The following PIK3AP1 variants were observed in gnomAD, a reference collection of about 807,000 sequenced individuals.
PIK3AP1 encodes phosphoinositide-3-kinase adaptor protein 1.
In PIK3AP1, 21 loss-of-function variants were observed where a neutral mutation model predicts 88.1. That is an observed-to-expected ratio of 0.24 (90% CI 0.17 to 0.34). The LOEUF is 0.34. PIK3AP1 is among the 10% of genes least tolerant of loss of function. The pLI, the probability that PIK3AP1 is intolerant of heterozygous loss-of-function variation, is 1.00. For synonymous variants in PIK3AP1, 398 were observed against 400.0 expected (o/e 1.00, Z 0.06); for missense variants, 828 against 1,035.7 (o/e 0.80, Z 2.75).
chr10:96,682,013 TAG>T (rs55857679), intron 2 of PIK3AP1, among the ~76,000 whole-genome samples: 5,662 of 108,334 alleles, frequency 0.052, 129 homozygotes, highest in South Asian at 0.12. Context: ...TATATATATA[TAG>T]AGAGAGAGAG....
chr10:96,645,477 G>A lies in PIK3AP1; in HGVS notation c.1371C>T (p.Asp457=). 3.7e-6 allele frequency: 6 copies of A among 1,613,370 alleles called. No homozygotes were observed. Among genetic ancestry groups the A allele is most frequent in the Non-Finnish European group, 5.1e-6 (6 of 1,179,760 alleles). ...MAAFVPAATE[D]LYVEMLQAST... ...GAACTGGGTTGTGCTACTTACAGAGGTCTTCAGTGGCAGCTGGGACAAAGG... is the reference window on the plus strand; with the variant it reads ...GAACTGGGTTGTGCTACTTACAGAGATCTTCAGTGGCAGCTGGGACAAAGG... The change falls in exon 8 of 17, where the codon GAC becomes GAT. Residue 457 remains aspartate (D), a synonymous_variant. Coordinates refer to ENST00000339364, the MANE Select transcript of PIK3AP1 (RefSeq NM_152309.3).
At chr10:96,697,876 T>C (rs891077418) in intron 2 of PIK3AP1, among the ~76,000 whole-genome samples, 1 of 152,238 alleles carries the variant, frequency 6.6e-6, no homozygotes, top group Non-Finnish European at 1.5e-5. Context: ...AAAAAAGTAA[T>C]GCATATACCA....
At chr10:96,629,463 G>C (rs925047829) in intron 8 of PIK3AP1, among the ~76,000 whole-genome samples, 1 of 151,920 alleles carries the variant, frequency 6.6e-6, no homozygotes, top group African/African-American at 2.4e-5. Context: ...ACATATTCTT[G>C]AAGATTCTGA....
chr10:96,684,086 T>C (rs919086412), intron 2 of PIK3AP1, among the ~76,000 whole-genome samples: 3 of 152,186 alleles, frequency 2.0e-5, no homozygotes, highest in Non-Finnish European at 4.4e-5. Context: ...ACTTAGGAGA[T>C]AGGGCTGAAT....
intron 3 of PIK3AP1, among the ~76,000 whole-genome samples, chr10:96,653,788 A>G (rs1424844531): frequency 6.6e-6 from 1 of 152,056 alleles, no homozygotes; most frequent in African/African-American, 2.4e-5. Flanking sequence ...GCGCCTGGCC[A>G]TTTATATGTC....
Position 96,709,618 on chromosome 10 carries a change from C to T in PIK3AP1, c.379G>A (p.Asp127Asn), listed in dbSNP as rs1401427249. 1 of 1,613,982 alleles carries T rather than the reference C, an allele frequency of 6.2e-7. No homozygotes were observed. Among genetic ancestry groups the T allele is most frequent in the East Asian group, 2.2e-5 (1 of 44,902 alleles). Residue 127 changes from aspartate to asparagine, a missense_variant, in exon 2 of 17, where the codon GAC becomes AAC. Physicochemically the swap from Asp to Asn is conservative, Grantham distance 23 (BLOSUM62 1). Coordinates refer to ENST00000339364, the MANE Select transcript of PIK3AP1 (RefSeq NM_152309.3). ...GCCACGTAGGTCTCTGGCTCATCGT[C>T]ACAGGTGAGCTCCTGCCAATGGGCC... Reference protein sequence around the residue: ...DWAHWQELTCDDEPETYVAAV... With the variant: ...DWAHWQELTCNDEPETYVAAV...
At chr10:96,684,502 G>A (rs537680651) in intron 2 of PIK3AP1, among the ~76,000 whole-genome samples, 2 of 152,346 alleles carry the variant, frequency 1.3e-5, no homozygotes, top group African/African-American at 4.8e-5. Context: ...CAGACAGGCT[G>A]TGCTGTACAA....
At chr10:96,650,226 G>A (rs906662499) in intron 6 of PIK3AP1, among the ~76,000 whole-genome samples, 3 of 152,172 alleles carry the variant, frequency 2.0e-5, no homozygotes, top group Non-Finnish European at 2.9e-5. Context: ...CCAGGAGAAG[G>A]CCTCGAAAGT....
At chr10:96,654,903 A>G (rs1474909332) in intron 3 of PIK3AP1, among the ~76,000 whole-genome samples, 1 of 152,236 alleles carries the variant, frequency 6.6e-6, no homozygotes. Context: ...TAGGCCTTGT[A>G]TAAAGAACAG....
At chr10:96,689,524 C>A (rs1023241602) in intron 2 of PIK3AP1, among the ~76,000 whole-genome samples, 1 of 145,996 alleles carries the variant, frequency 6.8e-6, no homozygotes, top group Admixed American at 7.0e-5. Flanking sequence ...GAGCCAAGAT[C>A]GCACCACTGC....
Position 96,664,818 on chromosome 10 carries a change from C to A in PIK3AP1, c.431-7884G>T, listed in dbSNP as rs183114489. On this transcript the variant is annotated intron_variant, in intron 2 of 16. Transcript: ENST00000339364. ...TATTCTGGTGGCGCTGATTGACAAG[C>A]CACAGTGGCCTCTTCCACAATGCAC... 3.9e-5 allele frequency among the ~76,000 whole-genome samples: 6 copies of A among 152,304 alleles called. No homozygotes were observed. The East Asian group carries it at 1.2e-3, about 29-fold the overall frequency.
chr10:96,711,175 A>C (rs148031452), intron 1 of PIK3AP1, among the ~76,000 whole-genome samples: 1,767 of 152,304 alleles, frequency 0.012, 18 homozygotes, highest in African/African-American at 0.028. Context: ...GACTTGCTCA[A>C]CTTCATACTC....
chr10:96,624,606 T>C (rs1233646496), intron 10 of PIK3AP1, among the ~76,000 whole-genome samples: 1 of 151,532 alleles, frequency 6.6e-6, no homozygotes, highest in Non-Finnish European at 1.5e-5. Context: ...GGCAGGAGGA[T>C]TGCTTGAGCA....
intron 2 of PIK3AP1, among the ~76,000 whole-genome samples, chr10:96,699,079 G>A (rs1315454142): frequency 6.6e-6 from 1 of 152,174 alleles, no homozygotes; most frequent in Non-Finnish European, 1.5e-5. Flanking sequence ...AGCTACTTGG[G>A]AGGCTGAGAC....
intron 8 of PIK3AP1, among the ~76,000 whole-genome samples, chr10:96,636,859 C>T (rs1421564529): frequency 6.6e-6 from 1 of 152,184 alleles, no homozygotes; most frequent in East Asian, 1.9e-4. Flanking sequence ...AGAGAACACC[C>T]AGGCAGGCAC....
At chr10:96,719,950 C>T (rs1206677703) in intron 1 of PIK3AP1, among the ~76,000 whole-genome samples, 2 of 152,212 alleles carry the variant, frequency 1.3e-5, no homozygotes, top group African/African-American at 4.8e-5. Flanking sequence ...TCTCTCCGCA[C>T]CACCTAGGAC....
At chr10:96,706,785 A>G (rs997987633) in intron 2 of PIK3AP1, among the ~76,000 whole-genome samples, 1 of 152,060 alleles carries the variant, frequency 6.6e-6, no homozygotes, top group Non-Finnish European at 1.5e-5. Flanking sequence ...CTTGTCCAGC[A>G]AAAAAAATCA....
intron 2 of PIK3AP1, among the ~76,000 whole-genome samples, chr10:96,672,355 C>G (rs1291659299): frequency 6.6e-6 from 1 of 152,196 alleles, no homozygotes; most frequent in East Asian, 1.9e-4. Flanking sequence ...CAAATCTTTT[C>G]TAGCTCACAC....
rs752269978 is a variant in PIK3AP1, at chr10:96,632,993, A to G, written c.1376-4500T>C. 28 of 1,612,692 alleles carry G rather than the reference A, an allele frequency of 1.7e-5. No individual in the cohort carries two copies. In the African/African-American group the frequency reaches 3.2e-4, roughly 18 times the overall value. ...GGTCTTCCTTTGAGCCAGTCCTTGC[A>G]TCTGATCAGCAACTCAGATGCAAAG... is the stretch of plus-strand genomic sequence containing the variant. On this transcript the variant is annotated intron_variant, in intron 8 of 16. Coordinates refer to ENST00000339364, the MANE Select transcript of PIK3AP1 (RefSeq NM_152309.3).
Sources: allele counts gnomAD v4.1 joint callset (sites outside exome capture counted in the v4.1 genomes callset), GRCh38; gene constraint gnomAD v4.1.1; transcripts MANE v1.5; gene names NCBI Gene and HGNC (gene_info 2026-07-23, HGNC 2026-07-21).